Variants in AGFG1 observed in about 807,000 individuals in gnomAD.
AGFG1 encodes arf-GAP domain and FG repeat-containing protein 1.
In AGFG1, 10 loss-of-function variants were observed where a neutral mutation model predicts 60.6. The ratio of observed to expected loss-of-function variants is 0.16; its 90% CI spans 0.10 to 0.28. The LOEUF (loss-of-function observed/expected upper bound fraction) is 0.28, where lower values mean the gene tolerates loss of function less well. Among genes scored for constraint, AGFG1 ranks in the 10% least tolerant of loss-of-function variants. The probability of loss-of-function intolerance (pLI) is 1.00; values close to 1 mark genes in which losing one functional copy is unlikely to be tolerated. For synonymous variants in AGFG1, 247 were observed against 242.9 expected (o/e 1.02, Z -0.16); for missense variants, 537 against 676.5 (o/e 0.79, Z 2.29).
chr2:227,540,828 C>A (rs1459987568), intron 10 of AGFG1, among the ~76,000 whole-genome samples: 1 of 152,178 alleles, frequency 6.6e-6, no homozygotes, highest in Non-Finnish European at 1.5e-5. Flanking sequence ...TAAAAGTGTT[C>A]CTGTTTCTCC....
intron 1 of AGFG1, among the ~76,000 whole-genome samples, chr2:227,473,096 C>T (rs1261611780): frequency 2.1e-5 from 1 of 48,428 alleles, no homozygotes; most frequent in East Asian, 4.7e-4. Flanking sequence ...CGGGGAGAAG[C>T]TGGGGTGGGA....
In AGFG1 at chr2:227,552,058, C is replaced by T. The variant is rs755283757; in HGVS notation, c.1478C>T (p.Pro493Leu). 1.7e-5 allele frequency: 27 copies of T among 1,614,080 alleles called. No individual in the cohort carries two copies. The highest frequency in any genetic ancestry group is 2.0e-5 in the Non-Finnish European group (24 of 1,180,048). The change falls in exon 11 of 13, where the codon CCT (proline) becomes CTT (leucine). Residue 493 changes from proline (P) to leucine (L), a missense_variant. Transcript: ENST00000310078. ...PTSFSGSFQQ[P>L]AFPAQAAFPQ... ...AGCTTTAGTGGCAGCTTTCAGCAGC[C>T]TGCCTTTCCAGCCCAAGCAGCTTTC...
intron 5 of AGFG1, among the ~76,000 whole-genome samples, chr2:227,525,789 C>G (rs879396435): frequency 3.9e-5 from 6 of 152,128 alleles, no homozygotes; most frequent in Non-Finnish European, 5.9e-5. Context: ...GGATGGGTGG[C>G]TGGGGATATT....
chr2:227,491,654 T>C lies in AGFG1; in HGVS notation c.261+14T>C. 6.7e-7 allele frequency: 1 copy of C among 1,500,504 alleles called. No homozygotes were observed. Among genetic ancestry groups the C allele is most frequent in the Non-Finnish European group, 8.9e-7 (1 of 1,123,540 alleles). 92.9% of individuals were successfully genotyped at this position (1,500,504 alleles called of 1,614,324 possible). A position where few individuals can be genotyped will look rare whatever the true frequency, so the allele number is the denominator to read the frequency against. ...CATGGAAATGAAGTAAGTGGTTTTT[T>C]TTTTTTTTTGCAATTTTTGACTTTT... On this transcript the variant is annotated intron_variant, in intron 2 of 12. Transcript: ENST00000310078.
chr2:227,513,582 C>T (rs1389810058), intron 2 of AGFG1, among the ~76,000 whole-genome samples: 1 of 152,216 alleles, frequency 6.6e-6, no homozygotes, highest in African/African-American at 2.4e-5. Context: ...CCTGCTGTTA[C>T]TAACCCTGGG....
intron 1 of AGFG1, among the ~76,000 whole-genome samples, chr2:227,479,206 T>A (rs1421452463): frequency 6.6e-6 from 1 of 152,170 alleles, no homozygotes; most frequent in East Asian, 1.9e-4. Context: ...GTGGGTACCT[T>A]TTATACTGGG....
At chr2:227,526,636 G>A (rs1406446578) in intron 5 of AGFG1, among the ~76,000 whole-genome samples, 1 of 145,100 alleles carries the variant, frequency 6.9e-6, no homozygotes, top group African/African-American at 2.6e-5. Context: ...TCTGCCTCCC[G>A]GGTTCAGCCA....
intron 2 of AGFG1, among the ~76,000 whole-genome samples, chr2:227,501,738 C>T (rs1447048497): frequency 6.6e-6 from 1 of 152,150 alleles, no homozygotes; most frequent in Non-Finnish European, 1.5e-5. Context: ...CATACACCAC[C>T]ACGCGTGGCC....
chr2:227,490,799 C>T (rs1479532463), intron 1 of AGFG1, among the ~76,000 whole-genome samples: 2 of 152,154 alleles, frequency 1.3e-5, no homozygotes, highest in Non-Finnish European at 2.9e-5. Context: ...TGCATTTCCA[C>T]TCGGTTTTTC....
At chr2:227,507,874 T>G (rs1691373779) in intron 2 of AGFG1, among the ~76,000 whole-genome samples, 1 of 152,170 alleles carries the variant, frequency 6.6e-6, no homozygotes, top group Admixed American at 6.5e-5. Context: ...TTTGATATGT[T>G]TCACTCAGTT....
intron 2 of AGFG1, among the ~76,000 whole-genome samples, chr2:227,517,496 T>C (rs1425644776): frequency 6.6e-6 from 1 of 152,184 alleles, no homozygotes; most frequent in Non-Finnish European, 1.5e-5. Flanking sequence ...GGTCTCGATC[T>C]CCTGACCTCA....
In AGFG1 at chr2:227,472,278, G is replaced by A. The variant is rs2106142899; in HGVS notation, c.-144G>A. ...GCCGCGTCGAGCCCAGTACAGCCAA[G>A]CCGCTGCGGCCGGGTCCGGCGCGGG... On this transcript the variant is annotated 5_prime_UTR_variant, in exon 1 of 13. Transcript: ENST00000310078. 1 of 368,382 alleles carries A rather than the reference G, an allele frequency of 2.7e-6. No homozygotes were observed. Among genetic ancestry groups the A allele is most frequent in the East Asian group, 1.7e-4 (1 of 5,996 alleles). 22.8% of individuals were successfully genotyped at this position (368,382 alleles called of 1,614,324 possible). A position where few individuals can be genotyped will look rare whatever the true frequency, so the allele number is the denominator to read the frequency against.
chr2:227,507,816 CCAACAGCAAG>C (rs1351848466), intron 2 of AGFG1, among the ~76,000 whole-genome samples: 3 of 151,944 alleles, frequency 2.0e-5, no homozygotes, highest in Non-Finnish European at 4.4e-5. Flanking sequence ...CATAACATTT[CCAACAGCAAG>C]CAATTAGGTT....
intron 2 of AGFG1, among the ~76,000 whole-genome samples, chr2:227,495,958 A>T (rs903659298): frequency 6.1e-5 from 9 of 146,730 alleles, no homozygotes; most frequent in South Asian, 2.1e-4. Context: ...TATATATATT[A>T]AAAAAAAAAA....
At chr2:227,553,940 G>A in intron 12 of AGFG1, 145 bp downstream of exon 12, 1 of 591,540 alleles carries the variant, frequency 1.7e-6, no homozygotes, top group Non-Finnish European at 2.9e-6. Context: ...TTGACACAGA[G>A]CCATTATGTG....
intron 1 of AGFG1, among the ~76,000 whole-genome samples, chr2:227,476,434 G>A (rs1399481857): frequency 6.6e-6 from 1 of 152,128 alleles, no homozygotes; most frequent in Non-Finnish European, 1.5e-5. Flanking sequence ...ATAAAAGATT[G>A]TCCTAGCCTT....
At chr2:227,519,478 G>A (rs1024179822) in intron 2 of AGFG1, among the ~76,000 whole-genome samples, 1 of 152,130 alleles carries the variant, frequency 6.6e-6, no homozygotes, top group African/African-American at 2.4e-5. Context: ...ATAGGAGACA[G>A]CTATAAAGCT....
chr2:227,550,626 G>T (rs753350894), intron 10 of AGFG1, among the ~76,000 whole-genome samples: 1 of 151,488 alleles, frequency 6.6e-6, no homozygotes, highest in Middle Eastern at 3.2e-3. Flanking sequence ...CCTTTTTTTC[G>T]CATCAGTAAT....
At chr2:227,475,371 A>C (rs910245187) in intron 1 of AGFG1, among the ~76,000 whole-genome samples, 1 of 152,164 alleles carries the variant, frequency 6.6e-6, no homozygotes, top group African/African-American at 2.4e-5. Flanking sequence ...ACCTGACTTC[A>C]TTGTCACAAG....
Sources: allele counts gnomAD v4.1 joint callset (sites outside exome capture counted in the v4.1 genomes callset), GRCh38; gene constraint gnomAD v4.1.1; transcripts MANE v1.5; gene names NCBI Gene and HGNC (gene_info 2026-07-23, HGNC 2026-07-21).